METAP1D: variants seen among roughly 807,000 people sequenced by gnomAD.
METAP1D encodes methionyl aminopeptidase type 1D, mitochondrial.
METAP1D carries 31 observed loss-of-function variants against 40.5 expected under a neutral mutation model. The ratio of observed to expected loss-of-function variants is 0.77; its 90% confidence interval spans 0.58 to 1.03. The LOEUF (loss-of-function observed/expected upper bound fraction) is 1.03, where lower values mean the gene tolerates loss of function less well. Ranked by LOEUF, METAP1D falls within the 50% of genes least tolerant of loss-of-function variation. METAP1D has a pLI of 0.00. For missense variants in METAP1D, 411 were observed against 420.7 expected (o/e 0.98, Z 0.20); for synonymous variants, 151 against 146.4 (o/e 1.03, Z -0.22).
At chr2:172,043,124 G>A (rs181044973) in intron 1 of METAP1D, among the ~76,000 whole-genome samples, 115,717 of 120,580 alleles carry the variant, frequency 0.96, 56,088 homozygotes, top group Middle Eastern at 1. Context: ...TATATTTTTT[G>A]GGATACAGGA....
At chr2:172,024,748 T>TTGTATGTGTG (rs1553270196) in intron 1 of METAP1D, among the ~76,000 whole-genome samples, 1 of 66,570 alleles carries the variant, frequency 1.5e-5, no homozygotes, top group African/African-American at 4.0e-5. Context: ...GACATATAGA[T>TTGTATGTGTG]TGTGTGTGTG....
At chr2:172,052,556 C>T (rs1266740644) in intron 1 of METAP1D, among the ~76,000 whole-genome samples, 2 of 152,174 alleles carry the variant, frequency 1.3e-5, no homozygotes, top group East Asian at 3.8e-4. Context: ...AAGGAAGGGG[C>T]TGATGGTATG....
At chr2:172,024,227 A>G (rs974907723) in intron 1 of METAP1D, among the ~76,000 whole-genome samples, 4 of 152,126 alleles carry the variant, frequency 2.6e-5, no homozygotes, top group Non-Finnish European at 4.4e-5. Context: ...AAATGTTGGG[A>G]AAAAATGAAG....
chr2:172,037,504 A>G (rs534418556), intron 1 of METAP1D, among the ~76,000 whole-genome samples: 1 of 152,328 alleles, frequency 6.6e-6, no homozygotes, highest in Admixed American at 6.5e-5. Context: ...TCAATTTATC[A>G]ATTGCTACAT....
chr2:172,002,144 C>T (rs577373587), intron 1 of METAP1D, among the ~76,000 whole-genome samples: 6 of 149,944 alleles, frequency 4.0e-5, no homozygotes, highest in East Asian at 2.0e-4. Flanking sequence ...TTTTAGACTT[C>T]ATTTTTGTAT....
intron 3 of METAP1D, 26 bp downstream of exon 3, chr2:172,063,886 G>A (rs368239638): frequency 1.6e-5 from 25 of 1,578,578 alleles, no homozygotes; most frequent in African/African-American, 1.1e-4. Context: ...GCCTCAGAAC[G>A]ACTTACATAA....
chr2:172,027,334 G>A (rs970857470), intron 1 of METAP1D, among the ~76,000 whole-genome samples: 3 of 152,178 alleles, frequency 2.0e-5, no homozygotes, highest in African/African-American at 7.2e-5. Context: ...ATATAATGCT[G>A]TTTTTACAGT....
intron 5 of METAP1D, among the ~76,000 whole-genome samples, chr2:172,068,691 T>G (rs571508718): frequency 2.0e-5 from 3 of 152,028 alleles, no homozygotes; most frequent in African/African-American, 7.2e-5. Context: ...TTTTTGTATT[T>G]TAAGTAGAGG....
rs1345678742 is a variant in METAP1D, at chr2:172,042,529, A to G, written c.41-18969A>G. ...TATACATATGTATGTGTACATGTGT[A>G]CATATATACATATATGTGTGTATGT... On this transcript the variant is annotated intron_variant, in intron 1 of 9. Coordinates refer to ENST00000315796, the MANE Select transcript of METAP1D (RefSeq NM_199227.3). Among the ~76,000 whole-genome samples, 2 of 50,914 alleles carry G rather than the reference A, an allele frequency of 3.9e-5. 1 individual carries two copies. Among genetic ancestry groups the G allele is most frequent in the African/African-American group, 1.6e-4 (2 of 12,274 alleles). The allele number at this position is 50,914 out of a possible 152,430, so 33.4% of individuals were successfully genotyped here. A position where few individuals can be genotyped will look rare whatever the true frequency, so the allele number is the denominator to read the frequency against.
At chr2:172,067,205 TAGG>T (rs960539542) in intron 5 of METAP1D, among the ~76,000 whole-genome samples, 1 of 152,208 alleles carries the variant, frequency 6.6e-6, no homozygotes, top group Non-Finnish European at 1.5e-5. Context: ...TTAAACATCT[TAGG>T]AGAACTAGTT....
chr2:172,054,836 T>G (rs1689966555), intron 1 of METAP1D, among the ~76,000 whole-genome samples: 1 of 152,214 alleles, frequency 6.6e-6, no homozygotes, highest in South Asian at 2.1e-4. Context: ...CAACTCAGAC[T>G]AGGTGCTGAT....
Position 172,080,508 on chromosome 2 carries a change from G to T in METAP1D, c.*102G>T. The T allele has an allele frequency of 1.6e-6, 2 of 1,250,436 alleles. No individual in the cohort carries two copies. Among genetic ancestry groups the T allele is most frequent in the East Asian group, 4.8e-5 (2 of 41,780 alleles). The allele number at this position is 1,250,436 out of a possible 1,614,324, so 77.5% of individuals were successfully genotyped here. ...GAAACAGGGAAATGACCGGTGGTGC[G>T]GTAACCTGCGTGGCTCCTGATAGCG... On this transcript the variant is annotated 3_prime_UTR_variant, in exon 10 of 10. Transcript: ENST00000315796.
intron 1 of METAP1D, among the ~76,000 whole-genome samples, chr2:172,030,414 T>C (rs934296801): frequency 6.6e-5 from 10 of 152,098 alleles, no homozygotes; most frequent in Non-Finnish European, 1.2e-4. Context: ...TTTAAAAAAA[T>C]GTATTGCAGA....
chr2:172,037,709 G>A (rs1186312722), intron 1 of METAP1D, among the ~76,000 whole-genome samples: 2 of 152,166 alleles, frequency 1.3e-5, no homozygotes, highest in African/African-American at 4.8e-5. Flanking sequence ...GGTTCCATCT[G>A]GGTTCTGAAC....
chr2:172,053,956 A>G (rs1689943354), intron 1 of METAP1D, among the ~76,000 whole-genome samples: 1 of 152,250 alleles, frequency 6.6e-6, no homozygotes, highest in Admixed American at 6.5e-5. Flanking sequence ...TAAAATAATA[A>G]GCATTTTAAA....
At chr2:172,070,789 G>T (rs1254009710) in intron 5 of METAP1D, 118 bp from the exon 6 acceptor site, 13 of 767,500 alleles carry the variant, frequency 1.7e-5, no homozygotes, top group South Asian at 3.4e-5. Context: ...ATAGGCAAAT[G>T]AATAATTCTG....
At chr2:172,045,745 A>G (rs13002282) in intron 1 of METAP1D, among the ~76,000 whole-genome samples, 27 of 91,666 alleles carry the variant, frequency 2.9e-4, no homozygotes, top group African/African-American at 6.1e-4. Context: ...ATATATGTGT[A>G]TATATGTATA....
In METAP1D at chr2:172,008,515, C is replaced by T. The variant is rs949191678; in HGVS notation, c.40+8506C>T. ...ATGTTCCCAGACCCTCAGTGGATGT[C>T]TGAAGCCACAGATGGTACTGAACCC... On this transcript the variant is annotated intron_variant, in intron 1 of 9. Transcript: ENST00000315796. 9.2e-4 allele frequency among the ~76,000 whole-genome samples: 140 copies of T among 152,270 alleles called. 1 individual carries two copies. The highest frequency in any genetic ancestry group is 1.5e-4 in the Non-Finnish European group (10 of 68,024).
chr2:172,041,766 A>ATATATATATT lies in METAP1D; in HGVS notation c.41-19731_41-19730insATATATATTT, dbSNP rs1197604477. 2.6e-5 allele frequency among the ~76,000 whole-genome samples: 2 copies of ATATATATATT among 76,162 alleles called. 1 individual carries two copies. The highest frequency in any genetic ancestry group is 6.2e-5 in the Non-Finnish European group (2 of 32,144). 50.0% of individuals were successfully genotyped at this position (76,162 alleles called of 152,430 possible). A position where few individuals can be genotyped will look rare whatever the true frequency, so the allele number is the denominator to read the frequency against. ...TATATATATATATATATATATATATATTTCATCCCCCAAAAGAAATGACCT... is the reference window on the plus strand; with the variant it reads ...TATATATATATATATATATATATATATATATATATTTTTCATCCCCCAAAAGAAATGACCT... On this transcript the variant is annotated intron_variant, in intron 1 of 9. Coordinates refer to ENST00000315796, the MANE Select transcript of METAP1D (RefSeq NM_199227.3).
Sources: allele counts gnomAD v4.1 joint callset (sites outside exome capture counted in the v4.1 genomes callset), GRCh38; gene constraint gnomAD v4.1.1; transcripts MANE v1.5; gene names NCBI Gene and HGNC (gene_info 2026-07-23, HGNC 2026-07-21).